RPS6KA2: variants seen among roughly 807,000 people sequenced by gnomAD.
RPS6KA2 encodes ribosomal protein S6 kinase A2, also known as ribosomal protein S6 kinase alpha-2.
In RPS6KA2, 42 loss-of-function variants were observed where a neutral mutation model predicts 91.8. The observed-to-expected ratio is 0.46, with a 90% CI of 0.36 to 0.59. The LOEUF is 0.59. Among genes scored for constraint, RPS6KA2 ranks in the 20% least tolerant of loss-of-function variants. The pLI is 0.00. For missense variants in RPS6KA2, 798 were observed against 978.5 expected (o/e 0.82, Z 2.46); for synonymous variants, 414 against 393.6 (o/e 1.05, Z -0.61).
At chr6:166,450,981 G>A in intron 13 of RPS6KA2, 122 bp downstream of exon 13, 1 of 1,173,388 alleles carries the variant, frequency 8.5e-7, no homozygotes, top group Non-Finnish European at 1.2e-6. Flanking sequence ...AAGAATTGGT[G>A]ATTAAAGTCC....
At chr6:166,589,284 G>C (rs1785282643) in intron 1 of RPS6KA2, among the ~76,000 whole-genome samples, 1 of 152,316 alleles carries the variant, frequency 6.6e-6, no homozygotes, top group East Asian at 1.9e-4. Flanking sequence ...GCATTCCAGG[G>C]CCCCTCCTGG....
chr6:166,575,480 AG>A (rs1306885000), intron 1 of RPS6KA2, among the ~76,000 whole-genome samples: 2 of 152,210 alleles, frequency 1.3e-5, no homozygotes, highest in Admixed American at 1.3e-4. Flanking sequence ...GCTTTCCAGA[AG>A]GGAAAAAAGC....
chr6:166,417,616 T>C (rs1778579394), intron 19 of RPS6KA2, among the ~76,000 whole-genome samples: 2 of 107,690 alleles, frequency 1.9e-5, no homozygotes, highest in African/African-American at 8.6e-5. Flanking sequence ...AATCTCTCTC[T>C]CTATACACAC....
At chr6:166,854,850 C>T (rs1780845628) in intron 2 of RPS6KA2, among the ~76,000 whole-genome samples, 1 of 152,056 alleles carries the variant, frequency 6.6e-6, no homozygotes, top group Non-Finnish European at 1.5e-5. Context: ...AGGTATCTAC[C>T]CTAAGAAAAA....
intron 2 of RPS6KA2, among the ~76,000 whole-genome samples, chr6:166,692,421 G>A (rs1789237240): frequency 6.6e-6 from 1 of 152,148 alleles, no homozygotes; most frequent in Admixed American, 6.5e-5. Context: ...ATGGACGATG[G>A]AAACCCAGCC....
chr6:166,649,472 C>T (rs1787781544), intron 2 of RPS6KA2, among the ~76,000 whole-genome samples: 1 of 152,232 alleles, frequency 6.6e-6, no homozygotes, highest in Admixed American at 6.5e-5. Flanking sequence ...CCCAACAAAA[C>T]AAATGAGCAT....
intron 1 of RPS6KA2, among the ~76,000 whole-genome samples, chr6:166,550,273 C>G (rs531762925): frequency 1.3e-5 from 2 of 152,150 alleles, no homozygotes; most frequent in Non-Finnish European, 2.9e-5. Context: ...TTACTCACTG[C>G]TATCCTATTC....
intron 11 of RPS6KA2, among the ~76,000 whole-genome samples, chr6:166,461,877 C>T (rs971174015): frequency 6.6e-6 from 1 of 152,148 alleles, no homozygotes; most frequent in Non-Finnish European, 1.5e-5. Context: ...CCCACCACAG[C>T]CTCTGATAAA....
intron 2 of RPS6KA2, among the ~76,000 whole-genome samples, chr6:166,813,724 C>T (rs1460446762): frequency 2.0e-5 from 3 of 152,150 alleles, no homozygotes; most frequent in Non-Finnish European, 4.4e-5. Flanking sequence ...CCTGTGAGTC[C>T]GTATCTGTGT....
intron 2 of RPS6KA2, among the ~76,000 whole-genome samples, chr6:166,691,682 CATGACATAT>C (rs1789210297): frequency 6.6e-6 from 1 of 152,184 alleles, no homozygotes; most frequent in Non-Finnish European, 1.5e-5. Flanking sequence ...CCATGCGTGC[CATGACATAT>C]GTGACATTTT....
chr6:166,773,814 G>A (rs951980683), intron 2 of RPS6KA2, among the ~76,000 whole-genome samples: 8 of 151,828 alleles, frequency 5.3e-5, no homozygotes, highest in South Asian at 2.1e-4. Context: ...GCTCCACCAG[G>A]AAGAAAAAAA....
intron 2 of RPS6KA2, among the ~76,000 whole-genome samples, chr6:166,723,946 C>G (rs575501450): frequency 7.2e-5 from 11 of 152,272 alleles, no homozygotes; most frequent in African/African-American, 2.6e-4. Flanking sequence ...GTGATCCACT[C>G]TTCTCAGCCT....
At chr6:166,696,875 C>T (rs192747118) in intron 2 of RPS6KA2, among the ~76,000 whole-genome samples, 1 of 152,158 alleles carries the variant, frequency 6.6e-6, no homozygotes, top group South Asian at 2.1e-4. Context: ...GGGTTTTGAG[C>T]CTTCCAGCTC....
At chr6:166,758,493 C>A (rs1302624186) in intron 2 of RPS6KA2, among the ~76,000 whole-genome samples, 1 of 152,222 alleles carries the variant, frequency 6.6e-6, no homozygotes, top group African/African-American at 2.4e-5. Flanking sequence ...GCGTCCAGGG[C>A]TCCGTGTGAT....
intron 2 of RPS6KA2, among the ~76,000 whole-genome samples, chr6:166,753,632 T>C (rs982946483): frequency 1.3e-5 from 2 of 152,196 alleles, no homozygotes; most frequent in African/African-American, 4.8e-5. Context: ...AAGTTAACTG[T>C]TGTTATTATG....
Position 166,459,599 on chromosome 6 carries a change from T to C in RPS6KA2, c.973-48A>G. The C allele has an allele frequency of 7.2e-7, 1 of 1,382,702 alleles. No homozygotes were observed. Among genetic ancestry groups the C allele is most frequent in the Non-Finnish European group, 1.0e-6 (1 of 975,744 alleles). The allele number at this position is 1,382,702 out of a possible 1,614,324, so 85.7% of individuals were successfully genotyped here. A position where few individuals can be genotyped will look rare whatever the true frequency, so the allele number is the denominator to read the frequency against. Reference sequence around the variant, plus strand: ...ACAGGGCACTGAGGATGCACAGACATTGCCACAGAACACTGGGGACAGAGA... The same window carrying C: ...ACAGGGCACTGAGGATGCACAGACACTGCCACAGAACACTGGGGACAGAGA... On this transcript the variant is annotated intron_variant, in intron 11 of 20. Transcript: ENST00000265678. This position sits in a 1 kb window ranked among gnomAD's most constrained non-coding sequence, Gnocchi z 4.9.
At position 166,420,205 on chromosome 6, in the gene RPS6KA2, A is replaced by C. The variant is rs559153641; in HGVS notation, c.1744-247T>G. On this transcript the variant is annotated intron_variant, in intron 17 of 20. Transcript: ENST00000265678. Reference sequence around the variant, plus strand: ...ACACATGACAGACAGGCTGAAAAGGAGGGCCTTAATTTTTAAGGCAGAAGG... The same window carrying C: ...ACACATGACAGACAGGCTGAAAAGGCGGGCCTTAATTTTTAAGGCAGAAGG... Among the ~76,000 whole-genome samples, 10 of 152,316 alleles carry C rather than the reference A, an allele frequency of 6.6e-5. No homozygotes were observed. The South Asian group carries it at 2.1e-3, about 32-fold the overall frequency.
chr6:166,458,968 G>A (rs1780188588), intron 12 of RPS6KA2, among the ~76,000 whole-genome samples: 1 of 152,204 alleles, frequency 6.6e-6, no homozygotes, highest in Admixed American at 6.5e-5. Flanking sequence ...GACACACCAG[G>A]AGACCAAATC....
rs902651417 is a variant in RPS6KA2 at position 166,642,299 on chromosome 6, C to CA, written c.124-103516dup. Among the ~76,000 whole-genome samples the CA allele has an allele frequency of 4.6e-3, 689 of 149,158 alleles. 9 individuals are homozygous for CA. The highest frequency in any genetic ancestry group is 6.7e-3 in the Non-Finnish European group (446 of 67,044). On this transcript the variant is annotated intron_variant, in intron 2 of 21. Coordinates refer to the RPS6KA2 transcript ENST00000503859. ...CTTTAACCTTGAATTCTCTGTCCTA[C>CA]AAAAAAAAAATCTTTCACAAACAAG...
Sources: allele counts gnomAD v4.1 joint callset (sites outside exome capture counted in the v4.1 genomes callset), GRCh38; gene constraint gnomAD v4.1.1; non-coding constraint Gnocchi (gnomAD v3.1); transcripts MANE v1.5; gene names NCBI Gene and HGNC (gene_info 2026-07-23, HGNC 2026-07-21).